RYR2: variants seen among roughly 807,000 people sequenced by gnomAD.
RYR2 encodes the protein ryanodine receptor 2.
A neutral mutation model predicts 601.1 loss-of-function variants in RYR2; 227 were observed. That is an observed-to-expected ratio of 0.38 (90% CI 0.34 to 0.42). The LOEUF (loss-of-function observed/expected upper bound fraction) is 0.42. Ranked by LOEUF, RYR2 falls within the 10% of genes least tolerant of loss-of-function variation. The pLI is 1.00. For synonymous variants in RYR2, 2,223 were observed against 2,175.1 expected (o/e 1.02, Z -0.61); for missense variants, 4,646 against 6,156.5 (o/e 0.75, Z 8.21).
At chr1:237,776,846 C>G (rs1415201745) in intron 87 of RYR2, among the ~76,000 whole-genome samples, 2 of 152,140 alleles carry the variant, frequency 1.3e-5, no homozygotes, top group African/African-American at 4.8e-5. Flanking sequence ...TCTTAGTCCT[C>G]CAGTGCCTGG....
intron 22 of RYR2, among the ~76,000 whole-genome samples, 193 bp downstream of exon 22, chr1:237,503,698 A>G (rs985770338): frequency 2.6e-5 from 4 of 151,968 alleles, no homozygotes; most frequent in South Asian, 2.1e-4. Flanking sequence ...TTTCTATTCT[A>G]TTCTATGTTT....
chr1:237,772,088 A>G lies in RYR2; in HGVS notation c.11634A>G (p.Leu3878=), dbSNP rs587781143. ...TAATTATCTCCACTGTAGACTACCTACTGAGAGTTCAGGTATGTTGCTTTC... is the reference window on the plus strand; with the variant it reads ...TAATTATCTCCACTGTAGACTACCTGCTGAGAGTTCAGGTATGTTGCTTTC... ...VNIIISTVDY[L]LRVQESISDF... Residue 3878 remains leucine, a synonymous_variant, in exon 86 of 105, where the codon CTA becomes CTG. Coordinates refer to ENST00000366574, the MANE Select transcript of RYR2 (RefSeq NM_001035.3). 33 of 1,520,008 alleles carry G rather than the reference A, an allele frequency of 2.2e-5. No homozygotes were observed. Among genetic ancestry groups the G allele is most frequent in the Non-Finnish European group, 2.8e-5 (31 of 1,113,964 alleles). 94.2% of individuals were successfully genotyped at this position (1,520,008 alleles called of 1,614,324 possible). A position where few individuals can be genotyped will look rare whatever the true frequency, so the allele number is the denominator to read the frequency against.
chr1:237,366,378 G>A (rs867700119), intron 5 of RYR2, among the ~76,000 whole-genome samples: 2 of 152,068 alleles, frequency 1.3e-5, no homozygotes, highest in East Asian at 3.9e-4. Flanking sequence ...ACAGTCCTTC[G>A]GTGACCCTGT....
intron 79 of RYR2, among the ~76,000 whole-genome samples, chr1:237,740,344 G>C (rs945451677): frequency 6.6e-6 from 1 of 152,150 alleles, no homozygotes; most frequent in African/African-American, 2.4e-5. Flanking sequence ...TGTACACCAA[G>C]TAAATTCAGG....
chr1:237,048,925 C>T (rs1293926799), intron 1 of RYR2, among the ~76,000 whole-genome samples: 1 of 152,138 alleles, frequency 6.6e-6, no homozygotes. Flanking sequence ...AAAGAAGGAA[C>T]CTGCTATGAA....
intron 61 of RYR2, among the ~76,000 whole-genome samples, chr1:237,679,919 A>G (rs1016355798): frequency 6.6e-6 from 1 of 152,198 alleles, no homozygotes; most frequent in Non-Finnish European, 1.5e-5. Context: ...GCCCAAGGCC[A>G]GCAGGATGAA....
intron 3 of RYR2, among the ~76,000 whole-genome samples, chr1:237,345,510 C>T (rs1698230110): frequency 6.7e-6 from 1 of 149,998 alleles, no homozygotes; most frequent in Admixed American, 6.6e-5. Flanking sequence ...GTACTATGTA[C>T]ATATCCTGAG....
Position 237,503,517 on chromosome 1 carries a change from C to G in RYR2, c.2613+12C>G, listed in dbSNP as rs1664881589. ...TGGATACCAGCCAGGTACCAAGATC[C>G]ACTCGAATGGCAATCACTGGTATTG... On this transcript the variant is annotated intron_variant, in intron 22 of 104. Coordinates refer to ENST00000366574, the MANE Select transcript of RYR2 (RefSeq NM_001035.3). The G allele has an allele frequency of 6.2e-7, 1 of 1,612,134 alleles. No homozygotes were observed. Among genetic ancestry groups the G allele is most frequent in the Admixed American group, 1.7e-5 (1 of 59,974 alleles).
intron 1 of RYR2, among the ~76,000 whole-genome samples, chr1:237,131,618 A>C (rs1326325436): frequency 6.6e-6 from 1 of 152,238 alleles, no homozygotes; most frequent in African/African-American, 2.4e-5. Flanking sequence ...AAGTGAATCA[A>C]CTAGAAATGC....
chr1:237,428,863 C>T (rs1028815799), intron 12 of RYR2, among the ~76,000 whole-genome samples: 11 of 151,764 alleles, frequency 7.2e-5, no homozygotes, highest in Middle Eastern at 3.4e-3. Flanking sequence ...CCAGGAGCTA[C>T]GAGGAGAAAC....
At chr1:237,642,786 G>A (rs1681699556) in intron 47 of RYR2, among the ~76,000 whole-genome samples, 1 of 152,166 alleles carries the variant, frequency 6.6e-6, no homozygotes, top group African/African-American at 2.4e-5. Flanking sequence ...CAGTCTAAAA[G>A]AACTGTTAGG....
At chr1:237,323,988 A>G (rs1405245456) in intron 2 of RYR2, among the ~76,000 whole-genome samples, 1 of 152,198 alleles carries the variant, frequency 6.6e-6, no homozygotes, top group Admixed American at 6.5e-5. Context: ...AGTGGGATGA[A>G]GGGAAAAAGA....
intron 1 of RYR2, among the ~76,000 whole-genome samples, chr1:237,176,261 A>G (rs1306545210): frequency 2.9e-5 from 3 of 104,556 alleles, no homozygotes; most frequent in Non-Finnish European, 4.2e-5. Context: ...ATATATATAT[A>G]TATAAAAAAT....
At chr1:237,283,101 C>T (rs1027181054) in intron 2 of RYR2, among the ~76,000 whole-genome samples, 1 of 152,222 alleles carries the variant, frequency 6.6e-6, no homozygotes, top group African/African-American at 2.4e-5. Flanking sequence ...TCTGTTCTCG[C>T]TCTTCCTGGA....
At chr1:237,504,437 C>T (rs1470418464) in intron 22 of RYR2, among the ~76,000 whole-genome samples, 2 of 152,100 alleles carry the variant, frequency 1.3e-5, no homozygotes, top group Non-Finnish European at 2.9e-5. Context: ...GTACATTGAT[C>T]AGTTCGGGTG....
chr1:237,436,803 G>A (rs1386130158), intron 12 of RYR2, among the ~76,000 whole-genome samples: 2 of 150,074 alleles, frequency 1.3e-5, no homozygotes, highest in African/African-American at 2.5e-5. Context: ...CCTCTGAACC[G>A]CATGCTCTGT....
rs1171245742 is a variant in RYR2, at chr1:237,769,632, GCT to G, written c.11477-1170_11477-1169del. Among the ~76,000 whole-genome samples the G allele has an allele frequency of 3.3e-5, 5 of 151,936 alleles. No homozygotes were observed. In the East Asian group the frequency reaches 9.7e-4, roughly 29 times the overall value. On this transcript the variant is annotated intron_variant, in intron 84 of 104. Transcript: ENST00000366574. ...AGACTGCGGACTGGTAAGTCCATCA[GCT>G]CTCTGTCACTGTGATCATTCATAAT...
At chr1:237,395,158 C>T (rs1337592984) in intron 10 of RYR2, among the ~76,000 whole-genome samples, 1 of 152,128 alleles carries the variant, frequency 6.6e-6, no homozygotes, top group Non-Finnish European at 1.5e-5. Flanking sequence ...CTTTTAAGAT[C>T]TCAACAACAC....
In RYR2 at chr1:237,123,872, T is replaced by A. The variant is rs376253156; in HGVS notation, c.48+81303T>A. On this transcript the variant is annotated intron_variant, in intron 1 of 104. Transcript: ENST00000366574. ...TTAGTAGAGACGGGGTTTCACCTTG[T>A]TAGCCAGGATGGTCTCGATCTCCTG... 1.5e-3 allele frequency among the ~76,000 whole-genome samples: 222 copies of A among 152,064 alleles called. 1 individual carries two copies. Among genetic ancestry groups the A allele is most frequent in the African/African-American group, 5.2e-3 (215 of 41,514 alleles).
Sources: allele counts gnomAD v4.1 joint callset (sites outside exome capture counted in the v4.1 genomes callset), GRCh38; gene constraint gnomAD v4.1.1; transcripts MANE v1.5; gene names NCBI Gene and HGNC (gene_info 2026-07-23, HGNC 2026-07-21).